GRIN2B: variants seen among roughly 807,000 people sequenced by gnomAD.
The protein encoded by GRIN2B is glutamate ionotropic receptor NMDA type subunit 2B.
GRIN2B carries 5 observed loss-of-function variants against 114.5 expected under a neutral mutation model. That is an observed-to-expected ratio of 0.04 (90% CI 0.02 to 0.09). The LOEUF (loss-of-function observed/expected upper bound fraction) is 0.09. Ranked by LOEUF, GRIN2B falls within the 10% of genes least tolerant of loss-of-function variation. GRIN2B has a pLI of 1.00. For synonymous variants in GRIN2B, 787 were observed against 745.1 expected (o/e 1.06, Z -0.92); for missense variants, 1,108 against 1,943.5 (o/e 0.57, Z 8.08).
chr12:13,740,161 GTGA>G (rs1054043097), intron 4 of GRIN2B, among the ~76,000 whole-genome samples: 4 of 152,156 alleles, frequency 2.6e-5, no homozygotes, highest in Admixed American at 1.3e-4. Context: ...CAGGAAATTC[GTGA>G]TGGTTTTCAC....
chr12:13,645,778 C>T (rs1372479379), intron 5 of GRIN2B, among the ~76,000 whole-genome samples: 2 of 152,126 alleles, frequency 1.3e-5, no homozygotes, highest in South Asian at 4.1e-4. Flanking sequence ...TTTCCCTGAC[C>T]TCCTTCAGCA....
At chr12:13,655,613 C>T (rs1348743138) in intron 5 of GRIN2B, among the ~76,000 whole-genome samples, 1 of 152,174 alleles carries the variant, frequency 6.6e-6, no homozygotes, top group South Asian at 2.1e-4. Flanking sequence ...CCTGGCTCTT[C>T]CATTGACTAG....
At chr12:13,665,188 TG>T in intron 5 of GRIN2B, among the ~76,000 whole-genome samples, 1 of 134,598 alleles carries the variant, frequency 7.4e-6, no homozygotes, top group Non-Finnish European at 1.7e-5. Context: ...TGTGTGTGTG[TG>T]TGATAACAGG....
At chr12:13,607,416 A>G (rs576885496) in intron 10 of GRIN2B, among the ~76,000 whole-genome samples, 1 of 74,804 alleles carries the variant, frequency 1.3e-5, no homozygotes, top group South Asian at 3.1e-4. Flanking sequence ...TAAAATATAT[A>G]ATATATATTA....
In GRIN2B at chr12:13,569,861, C is replaced by T; in HGVS notation, c.2328G>A (p.Val776=). 6.2e-7 allele frequency: 1 copy of T among 1,610,098 alleles called. No homozygotes were observed. Reference sequence around the variant, plus strand: ...CAAAGAGCTGCAGGATAGCAAGGTCCACCTGGCGCTTCCACCCAGAATCTT... The same window carrying T: ...CAAAGAGCTGCAGGATAGCAAGGTCTACCTGGCGCTTCCACCCAGAATCTT... ...IQKDSGWKRQ[V]DLAILQLFGD... Residue 776 remains valine (V), a synonymous_variant, in exon 12 of 14, where the codon GTG becomes GTA. Coordinates refer to ENST00000609686, the MANE Select transcript of GRIN2B (RefSeq NM_000834.5).
In GRIN2B at chr12:13,791,463, TA is replaced by T. The variant is rs10699741; in HGVS notation, c.412-37549del. Among the ~76,000 whole-genome samples, 39 of 144,362 alleles carry T rather than the reference TA, an allele frequency of 2.7e-4. No homozygotes were observed. In the South Asian group the frequency reaches 4.0e-3, roughly 15 times the overall value. 94.7% of individuals were successfully genotyped at this position (144,362 alleles called of 152,430 possible). A position where few individuals can be genotyped will look rare whatever the true frequency, so the allele number is the denominator to read the frequency against. On this transcript the variant is annotated intron_variant, in intron 3 of 13. Coordinates refer to ENST00000609686, the MANE Select transcript of GRIN2B (RefSeq NM_000834.5). ...CGAGACTCTGTCTCAAAAAAAAAAA[TA>T]AAAAAAAAAAATTCCATGTCATGTG...
chr12:13,661,979 G>A (rs11055568), intron 5 of GRIN2B, among the ~76,000 whole-genome samples: 11,514 of 152,132 alleles, frequency 0.076, 618 homozygotes, highest in South Asian at 0.13. Context: ...TGTCACATTC[G>A]ATGGTACAGG....
At position 13,629,092 on chromosome 12, in the gene GRIN2B, C is replaced by T. The variant is rs145467813; in HGVS notation, c.1126-12435G>A. Among the ~76,000 whole-genome samples, 324 of 152,238 alleles carry T rather than the reference C, an allele frequency of 2.1e-3. 3 individuals are homozygous for T. In the East Asian group the frequency reaches 0.039, roughly 18 times the overall value. ...GTACTTACTGTTCTCTCTAAGGTGA[C>T]CTGTCAAATTCATAGAACAGTTTCC... On this transcript the variant is annotated intron_variant, in intron 5 of 13. Coordinates refer to ENST00000609686, the MANE Select transcript of GRIN2B (RefSeq NM_000834.5).
At chr12:13,812,120 A>C (rs779129431) in intron 3 of GRIN2B, among the ~76,000 whole-genome samples, 11 of 152,182 alleles carry the variant, frequency 7.2e-5, no homozygotes, top group Non-Finnish European at 1.5e-4. Context: ...GGCAGGGTTA[A>C]AGTTTTGAGT....
intron 2 of GRIN2B, among the ~76,000 whole-genome samples, chr12:13,892,097 C>T (rs1047618727): frequency 3.3e-5 from 5 of 152,124 alleles, no homozygotes; most frequent in African/African-American, 4.8e-5. Flanking sequence ...TAATAAATGA[C>T]GGAGGCTAAA....
intron 4 of GRIN2B, among the ~76,000 whole-genome samples, chr12:13,697,642 A>G (rs898215830): frequency 1.3e-5 from 2 of 152,190 alleles, no homozygotes; most frequent in African/African-American, 4.8e-5. Context: ...ACTTAGGGAC[A>G]ATATCCCTAC....
chr12:13,799,274 C>T (rs528971134), intron 3 of GRIN2B, among the ~76,000 whole-genome samples: 2 of 152,320 alleles, frequency 1.3e-5, no homozygotes, highest in African/African-American at 2.4e-5. Flanking sequence ...TAGGACTAAA[C>T]ACATTCTGCC....
At chr12:13,621,149 G>T (rs1949508344) in intron 5 of GRIN2B, among the ~76,000 whole-genome samples, 1 of 152,098 alleles carries the variant, frequency 6.6e-6, no homozygotes, top group Non-Finnish European at 1.5e-5. Flanking sequence ...TTCTCTCAAG[G>T]GGGAGAAAGT....
intron 4 of GRIN2B, among the ~76,000 whole-genome samples, chr12:13,744,188 C>A (rs966148391): frequency 6.6e-6 from 1 of 152,190 alleles, no homozygotes; most frequent in East Asian, 1.9e-4. Context: ...ACTTGATATT[C>A]ATCAGAGCTA....
At chr12:13,577,546 T>C (rs1477882132) in intron 10 of GRIN2B, among the ~76,000 whole-genome samples, 1 of 152,188 alleles carries the variant, frequency 6.6e-6, no homozygotes, top group East Asian at 1.9e-4. Context: ...TACAGCCTGC[T>C]GGAGAAAGAA....
In GRIN2B at chr12:13,562,563, C is replaced by A. The variant is rs201562857; in HGVS notation, c.*220G>T. Reference sequence around the variant, plus strand: ...TCATGGGAACAGGAATGGCTGACAGCGGGGGGAAGAAGGAGAGAACTGTGA... The same window carrying A: ...TCATGGGAACAGGAATGGCTGACAGAGGGGGGAAGAAGGAGAGAACTGTGA... On this transcript the variant is annotated 3_prime_UTR_variant, in exon 14 of 14. Transcript: ENST00000609686. 5.2e-6 allele frequency: 3 copies of A among 573,172 alleles called. No individual in the cohort carries two copies. The highest frequency in any genetic ancestry group is 9.4e-6 in the Non-Finnish European group (3 of 320,804). 35.5% of individuals were successfully genotyped at this position (573,172 alleles called of 1,614,324 possible). A position where few individuals can be genotyped will look rare whatever the true frequency, so the allele number is the denominator to read the frequency against.
rs1948422093 is a variant in GRIN2B at position 13,552,269 on chromosome 12, G to A, written c.*10514C>T. On this transcript the variant is annotated 3_prime_UTR_variant, in exon 14 of 14. Transcript: ENST00000609686. ...ATGACATGGGGCCAGGTTCCTTGTG[G>A]ATATCAGGACCTCACACATAAGGTT... 6.6e-6 allele frequency: 1 copy of A among 152,174 alleles called. No homozygotes were observed. The highest frequency in any genetic ancestry group is 2.4e-5 in the African/African-American group (1 of 41,424). 9.4% of individuals were successfully genotyped at this position (152,174 alleles called of 1,614,324 possible). A position where few individuals can be genotyped will look rare whatever the true frequency, so the allele number is the denominator to read the frequency against.
At chr12:13,675,694 T>C (rs780196494) in intron 5 of GRIN2B, 51 bp downstream of exon 5, 2 of 1,155,506 alleles carry the variant, frequency 1.7e-6, no homozygotes, top group South Asian at 1.2e-5. Context: ...TGTTGCAAAA[T>C]TTCACATTTC....
chr12:13,907,444 A>G (rs772492046), intron 2 of GRIN2B, among the ~76,000 whole-genome samples: 11 of 151,660 alleles, frequency 7.3e-5, no homozygotes, highest in Non-Finnish European at 1.5e-4. Flanking sequence ...GTGAGCTGAG[A>G]TCACTCCACT....
Sources: gnomAD v4.1 joint callset for allele counts (sites outside exome capture counted in the v4.1 genomes callset) on GRCh38, gnomAD v4.1.1 for gene constraint, MANE v1.5 for transcripts, NCBI Gene and HGNC (gene_info 2026-07-23, HGNC 2026-07-21) for gene names.